Variants in HAUS8 observed in about 807,000 individuals in gnomAD.
The protein encoded by HAUS8 is HAUS augmin-like complex subunit 8.
In HAUS8, 38 loss-of-function variants were observed where a neutral mutation model predicts 42.9. That is an observed-to-expected ratio of 0.89 (90% CI 0.68 to 1.16). HAUS8 has a LOEUF of 1.16. HAUS8 is among the 50% of genes most tolerant of loss of function. The pLI, the probability that HAUS8 is intolerant of heterozygous loss-of-function variation, is 0.00. For missense variants in HAUS8, 494 were observed against 511.6 expected (o/e 0.97, Z 0.33); for synonymous variants, 199 against 205.8 (o/e 0.97, Z 0.28).
intron 10 of HAUS8, chr19:17,052,315 T>C (rs2057292456): frequency 6.6e-6 from 1 of 152,556 alleles, no homozygotes; most frequent in Non-Finnish European, 1.5e-5. Flanking sequence ...CCCCCTGCTC[T>C]GCTTGAGTCT....
chr19:17,053,680 T>G (rs1468314832), intron 9 of HAUS8: 1 of 146,842 alleles, frequency 6.8e-6, no homozygotes, highest in Non-Finnish European at 1.5e-5. Context: ...TTTTTTTTTT[T>G]GAGACAGAGT....
At chr19:17,071,878 T>C (rs117134685) in intron 2 of HAUS8, among the ~76,000 whole-genome samples, 3,751 of 152,016 alleles carry the variant, frequency 0.025, 69 homozygotes, top group Admixed American at 0.05. Context: ...TCCCAGCTAC[T>C]TGGGAGGCTG....
rs750270849 is a variant in HAUS8 at position 17,050,148 on chromosome 19, C to T, written c.958G>A (p.Ala320Thr). ...AAGGCTGCCTCTTTGCTTGCCTCTG[C>T]GGAGAGTTCCAGCACCTGGGCAAAG... ...RSFAQVLELSAEASKEAALAN... is the reference protein window; with the variant it reads ...RSFAQVLELSTEASKEAALAN... The change falls in exon 11 of 11, where the codon GCA becomes ACA. Residue 320 changes from alanine (A) to threonine (T), a missense_variant. By Grantham distance (58) the Ala-to-Thr change is moderately conservative. Coordinates refer to ENST00000253669, the MANE Select transcript of HAUS8 (RefSeq NM_033417.2). 1.5e-5 allele frequency: 23 copies of T among 1,536,496 alleles called. No individual in the cohort carries two copies. The highest frequency in any genetic ancestry group is 1.1e-4 in the African/African-American group (8 of 72,162).
rs199543195 is a variant in HAUS8 at position 17,056,002 on chromosome 19, T to C, written c.646A>G (p.Ile216Val). The C allele has an allele frequency of 2.2e-5, 36 of 1,613,914 alleles. No individual in the cohort carries two copies. Among genetic ancestry groups the C allele is most frequent in the Non-Finnish European group, 2.8e-5 (33 of 1,180,018 alleles). Residue 216 changes from isoleucine to valine, a missense_variant and splice_region_variant, in exon 9 of 11, where the codon ATC becomes GTC. By Grantham distance (29) the Ile-to-Val change is conservative. Coordinates refer to ENST00000253669, the MANE Select transcript of HAUS8 (RefSeq NM_033417.2). ...RELADVLDAQ[I>V]EMLSPFEAVA... ...GCCTCGAAGGGGCTGAGCATCTCGA[T>C]CTGTAAGCAGAAGGGATAATCAGGG...
rs112028065 is a variant in HAUS8 at position 17,053,080 on chromosome 19, C to T, written c.788-114G>A. 8.2e-4 allele frequency: 1,007 copies of T among 1,234,984 alleles called. 3 individuals are homozygous for T. The African/African-American group carries it at 0.013, about 16-fold the overall frequency. The allele number at this position is 1,234,984 out of a possible 1,614,324, so 76.5% of individuals were successfully genotyped here. On this transcript the variant is annotated intron_variant, in intron 9 of 10. Transcript: ENST00000253669. ...TGATGCTCGGCTATCGCGCTGGAACCGTGGAGAGCGCACAGGGAAGAAGCA... is the reference window on the plus strand; with the variant it reads ...TGATGCTCGGCTATCGCGCTGGAACTGTGGAGAGCGCACAGGGAAGAAGCA...
intron 8 of HAUS8, among the ~76,000 whole-genome samples, chr19:17,056,240 G>A (rs1390838621): frequency 1.3e-5 from 2 of 152,204 alleles, no homozygotes; most frequent in African/African-American, 4.8e-5. Flanking sequence ...TCTAGGCTTG[G>A]GCCCTCAGCT....
chr19:17,072,321 T>C (rs1292301383), intron 2 of HAUS8, among the ~76,000 whole-genome samples: 1 of 148,200 alleles, frequency 6.7e-6, no homozygotes, highest in East Asian at 2.0e-4. Context: ...GAATCTACCA[T>C]GCAAGCCGAG....
In HAUS8 at chr19:17,073,260, C is replaced by G; in HGVS notation, c.91+14G>C. ...GAAAACCATGTTCCTTAAAGAGATC[C>G]TGACACTGCTTACCTTGAACTCTTT... On this transcript the variant is annotated intron_variant, in intron 2 of 10. Transcript: ENST00000253669. 5.0e-6 allele frequency: 8 copies of G among 1,609,596 alleles called. No homozygotes were observed. Among genetic ancestry groups the G allele is most frequent in the Non-Finnish European group, 6.0e-6 (7 of 1,175,892 alleles).
intron 10 of HAUS8, chr19:17,051,652 T>G (rs555361587): frequency 6.7e-6 from 1 of 148,394 alleles, no homozygotes; most frequent in East Asian, 2.0e-4. Context: ...GCTTGAGAAC[T>G]TCCATAGATT....
intron 2 of HAUS8, among the ~76,000 whole-genome samples, 185 bp from the exon 3 acceptor site, chr19:17,069,271 G>A (rs1048018989): frequency 2.6e-5 from 4 of 152,072 alleles, no homozygotes; most frequent in African/African-American, 9.7e-5. Context: ...AGCATGCATG[G>A]GACGCCTACT....
chr19:17,058,889 A>T lies in HAUS8; in HGVS notation c.421-13T>A. ...CTTCAGATAAATCCTTAAGAAAAGA[A>T]AAAGACCCTCTCAATTCCTGATGAA... is the stretch of plus-strand genomic sequence containing the variant. On this transcript the variant is annotated splice_polypyrimidine_tract_variant and intron_variant, in intron 6 of 10. Coordinates refer to ENST00000253669, the MANE Select transcript of HAUS8 (RefSeq NM_033417.2). 1 of 1,604,868 alleles carries T rather than the reference A, an allele frequency of 6.2e-7. No individual in the cohort carries two copies. Among genetic ancestry groups the T allele is most frequent in the Non-Finnish European group, 8.5e-7 (1 of 1,175,550 alleles).
At chr19:17,062,807 G>A (rs756070276) in intron 3 of HAUS8, 28 bp from the exon 4 acceptor site, 5 of 1,544,458 alleles carry the variant, frequency 3.2e-6, no homozygotes, top group Non-Finnish European at 4.5e-6. Flanking sequence ...GACACTCAGA[G>A]GACAAGACAT....
intron 3 of HAUS8, among the ~76,000 whole-genome samples, chr19:17,068,082 T>A (rs939789970): frequency 2.0e-5 from 3 of 150,952 alleles, no homozygotes; most frequent in Non-Finnish European, 4.4e-5. Context: ...TCTAAAAACC[T>A]GTTTTTTTAT....
At chr19:17,067,025 T>G (rs1331318156) in intron 3 of HAUS8, among the ~76,000 whole-genome samples, 1 of 152,008 alleles carries the variant, frequency 6.6e-6, no homozygotes, top group Non-Finnish European at 1.5e-5. Context: ...GCCAACATGC[T>G]GAAACCCTGT....
At chr19:17,070,514 G>A (rs989333746) in intron 2 of HAUS8, among the ~76,000 whole-genome samples, 2 of 152,102 alleles carry the variant, frequency 1.3e-5, no homozygotes, top group African/African-American at 4.8e-5. Flanking sequence ...CCGCTCTGCC[G>A]CGTGGACCCC....
rs563448535 is a variant in HAUS8, at chr19:17,070,135, C to T, written c.92-1049G>A. On this transcript the variant is annotated intron_variant, in intron 2 of 10. Transcript: ENST00000253669. ...CCCTTGACAGCAAACACCCCAAGTT[C>T]TTTATTCACCAGCTCCCCTTTCTCT... 7.5e-4 allele frequency among the ~76,000 whole-genome samples: 114 copies of T among 151,874 alleles called. 2 individuals are homozygous for T. The highest frequency in any genetic ancestry group is 2.6e-3 in the African/African-American group (108 of 41,346).
Position 17,058,708 on chromosome 19 carries a change from C to G in HAUS8, c.487-1G>C. 6 of 1,604,240 alleles carry G rather than the reference C, an allele frequency of 3.7e-6. No homozygotes were observed. The highest frequency in any genetic ancestry group is 3.4e-6 in the Non-Finnish European group (4 of 1,175,966). On this transcript the variant is annotated splice_acceptor_variant, in intron 7 of 10. Transcript: ENST00000253669. LOFTEE classifies it high-confidence loss of function. ...CAAACTCAGCAAGATTGTTCTCCAT[C>G]TGTTAAATGTGAAAGAAAAGCTCAA...
At chr19:17,059,473 G>C in intron 6 of HAUS8, 84 bp downstream of exon 6, 1 of 895,170 alleles carries the variant, frequency 1.1e-6, no homozygotes, top group Non-Finnish European at 1.8e-6. Context: ...TGGATCCGTG[G>C]GCACTCAGCA....
intron 10 of HAUS8, among the ~76,000 whole-genome samples, chr19:17,050,411 C>T (rs1014098809): frequency 2.0e-5 from 3 of 152,074 alleles, no homozygotes; most frequent in African/African-American, 7.2e-5. Flanking sequence ...GAGCTCAGTG[C>T]TGTGCTGCTG....
Sources: gnomAD v4.1 joint callset for allele counts (sites outside exome capture counted in the v4.1 genomes callset) on GRCh38, gnomAD v4.1.1 for gene constraint, MANE v1.5 for transcripts, NCBI Gene and HGNC (gene_info 2026-07-23, HGNC 2026-07-21) for gene names.